The following TRIM50 variants were observed in gnomAD, a reference collection of about 807,000 sequenced individuals.
TRIM50 encodes the protein tripartite motif containing 50, also known as E3 ubiquitin-protein ligase TRIM50.
TRIM50 carries 34 observed loss-of-function variants against 44.9 expected under a neutral mutation model. The observed-to-expected ratio is 0.76, with a 90% CI of 0.58 to 1.01. TRIM50 has a LOEUF of 1.01. Ranked by LOEUF, TRIM50 falls within the 50% of genes least tolerant of loss-of-function variation. TRIM50 has a pLI of 0.00. For missense variants in TRIM50, 633 were observed against 663.7 expected (o/e 0.95, Z 0.51); for synonymous variants, 307 against 291.1 (o/e 1.05, Z -0.56).
chr7:73,318,364 T>C (rs1487533546), intron 5 of TRIM50, among the ~76,000 whole-genome samples: 1 of 152,216 alleles, frequency 6.6e-6, no homozygotes, highest in Admixed American at 6.5e-5. Flanking sequence ...CTCGAACTCC[T>C]GGCCTCAAGC....
Position 73,313,220 on chromosome 7 carries a change from G to A in TRIM50, c.1165C>T (p.Leu389=). Residue 389 remains leucine (L), a synonymous_variant, in exon 7 of 7, where the codon CTG becomes TTG. Coordinates refer to ENST00000333149, the MANE Select transcript of TRIM50 (RefSeq NM_178125.3). This position sits in a 1 kb window ranked among gnomAD's most constrained non-coding sequence, Gnocchi z 4.9. ...GCTTCGTACACCCGGCCCTCCTTCA[G>A]GCCGATCAGCCACACGCCGTGCTCG... ...SPEHGVWLIG[L]KEGRVYEAFA... The A allele has an allele frequency of 6.3e-7, 1 of 1,593,104 alleles. No individual in the cohort carries two copies. The highest frequency in any genetic ancestry group is 8.5e-7 in the Non-Finnish European group (1 of 1,170,244).
chr7:73,315,494 G>C (rs1554543920), intron 6 of TRIM50, among the ~76,000 whole-genome samples: 1 of 151,788 alleles, frequency 6.6e-6, no homozygotes, highest in African/African-American at 2.4e-5. Context: ...TCAGTAGCTG[G>C]GCCCACAGGC....
At chr7:73,314,332 G>T in intron 6 of TRIM50, 1 of 367,304 alleles carries the variant, frequency 2.7e-6, no homozygotes, top group Non-Finnish European at 5.3e-6. Flanking sequence ...AGCAGAAACT[G>T]TCTCCTGCTA....
chr7:73,316,571 A>G lies in TRIM50; in HGVS notation c.868T>C (p.Leu290=), dbSNP rs1369444426. ...TVWKRLFRKV[L]PAPEPLKLDP... is the part of the protein sequence containing the mutation. ...GGACGGGTCAGGGCCTCACCTGGCAAAACTTTCCGGAAGAGCCTTTTCCAC... is the reference window on the plus strand; with the variant it reads ...GGACGGGTCAGGGCCTCACCTGGCAGAACTTTCCGGAAGAGCCTTTTCCAC... Residue 290 remains leucine (L), a synonymous_variant, in exon 6 of 7, where the codon TTG becomes CTG. Transcript: ENST00000333149. 5 of 1,614,042 alleles carry G rather than the reference A, an allele frequency of 3.1e-6. No homozygotes were observed. The highest frequency in any genetic ancestry group is 4.2e-6 in the Non-Finnish European group (5 of 1,180,032).
In TRIM50 at chr7:73,318,973, C is replaced by G; in HGVS notation, c.575G>C (p.Arg192Pro). ...LHHLVDEEKA[R>P]CLEGIGGHTR... Reference sequence around the variant, plus strand: ...GTGACCCCCTATCCCCTCCAGGCAGCGGGCCTTCTCCTCATCCACCAGGTG... The same window carrying G: ...GTGACCCCCTATCCCCTCCAGGCAGGGGGCCTTCTCCTCATCCACCAGGTG... Residue 192 changes from arginine to proline, a missense_variant, in exon 4 of 7, where the codon CGC (arginine) becomes CCC (proline). By Grantham distance (103) the Arg-to-Pro change is moderately radical. Coordinates refer to ENST00000333149, the MANE Select transcript of TRIM50 (RefSeq NM_178125.3). The G allele has an allele frequency of 6.2e-7, 1 of 1,614,024 alleles. No individual in the cohort carries two copies. Among genetic ancestry groups the G allele is most frequent in the Non-Finnish European group, 8.5e-7 (1 of 1,179,868 alleles).
At position 73,324,665 on chromosome 7, in the gene TRIM50, A is replaced by C. The variant is rs782200517; in HGVS notation, c.123T>G (p.Val41=). The change falls in exon 2 of 7, where the codon GTT becomes GTG. Residue 41 remains valine, a synonymous_variant. Coordinates refer to ENST00000333149, the MANE Select transcript of TRIM50 (RefSeq NM_178125.3). ...CGGCATCCAGGTGGCAGGACAGGGA[A>C]ACCAGGCAGCCCTTGCAGTAAGAGT... ...CGHSYCKGCL[V]SLSCHLDAEL... is the part of the protein sequence containing the mutation. 1 of 1,614,192 alleles carries C rather than the reference A, an allele frequency of 6.2e-7. No homozygotes were observed. Among genetic ancestry groups the C allele is most frequent in the Non-Finnish European group, 8.5e-7 (1 of 1,180,024 alleles).
chr7:73,325,014 A>ATGTGTGTGTG (rs3040867), intron 1 of TRIM50, among the ~76,000 whole-genome samples: 1,966 of 142,004 alleles, frequency 0.014, 26 homozygotes, highest in East Asian at 0.059. Flanking sequence ...CCTTGAAGAT[A>ATGTGTGTGTG]TGTGTGTGTG....
At chr7:73,317,517 C>T (rs538070892) in intron 5 of TRIM50, among the ~76,000 whole-genome samples, 235 of 152,030 alleles carry the variant, frequency 1.5e-3, no homozygotes, top group South Asian at 3.3e-3. Context: ...GCCACCACAC[C>T]CAGCTAATTT....
chr7:73,314,396 C>A, intron 6 of TRIM50: 1 of 419,350 alleles, frequency 2.4e-6, no homozygotes, highest in Non-Finnish European at 4.6e-6. Context: ...GCTGCTTAAG[C>A]TGGCCCAGAA....
chr7:73,322,978 C>T (rs1362118009), intron 2 of TRIM50, among the ~76,000 whole-genome samples: 5 of 152,240 alleles, frequency 3.3e-5, no homozygotes, highest in Admixed American at 6.5e-5. Context: ...AAGGGGGAAT[C>T]ACAGAGCTGG....
At chr7:73,320,799 G>A (rs1554544923) in intron 2 of TRIM50, among the ~76,000 whole-genome samples, 1 of 151,800 alleles carries the variant, frequency 6.6e-6, no homozygotes, top group East Asian at 1.9e-4. Flanking sequence ...AGGCCGAGGC[G>A]AGTGGATCAC....
chr7:73,324,953 C>T (rs568337647), intron 1 of TRIM50, 148 bp from the exon 2 acceptor site: 22 of 1,376,628 alleles, frequency 1.6e-5, no homozygotes, highest in Non-Finnish European at 2.0e-5. Flanking sequence ...TGACCTTGGG[C>T]CCCAGTTTCC....
At chr7:73,325,916 G>GTC (rs1804614223) in intron 1 of TRIM50, among the ~76,000 whole-genome samples, 1 of 152,148 alleles carries the variant, frequency 6.6e-6, no homozygotes, top group Non-Finnish European at 1.5e-5. Context: ...AAGACAGCTT[G>GTC]TTGCTCTGTT....
Position 73,324,685 on chromosome 7 carries a change from A to T in TRIM50, c.103T>A (p.Tyr35Asn). ...EPLMLQCGHS[Y>N]CKGCLVSLSC... is the part of the protein sequence containing the mutation. ...AGGGAAACCAGGCAGCCCTTGCAGTAAGAGTGGCCACACTGCAGCATCAGG... is the reference window on the plus strand; with the variant it reads ...AGGGAAACCAGGCAGCCCTTGCAGTTAGAGTGGCCACACTGCAGCATCAGG... The change falls in exon 2 of 7, where the codon TAC becomes AAC. Residue 35 changes from tyrosine (Y) to asparagine (N), a missense_variant. By Grantham distance (143) the Tyr-to-Asn change is moderately radical (BLOSUM62 -2). Coordinates refer to ENST00000333149, the MANE Select transcript of TRIM50 (RefSeq NM_178125.3). The T allele has an allele frequency of 1.2e-6, 2 of 1,614,180 alleles. No homozygotes were observed. The highest frequency in any genetic ancestry group is 1.7e-6 in the Non-Finnish European group (2 of 1,179,996).
intron 6 of TRIM50, 119 bp downstream of exon 6, chr7:73,316,446 G>C (rs1321894531): frequency 3.7e-5 from 51 of 1,378,532 alleles, no homozygotes; most frequent in Non-Finnish European, 4.4e-5. Context: ...CTCTCACTAG[G>C]ACCCTCCACA....
At chr7:73,315,029 C>A in intron 6 of TRIM50, 1 of 357,928 alleles carries the variant, frequency 2.8e-6, no homozygotes, top group Non-Finnish European at 5.3e-6. Context: ...GTCGCCTTCA[C>A]ACAGGTTAAC....
Position 73,313,120 on chromosome 7 carries a change from T to G in TRIM50, c.1265A>C (p.Gln422Pro). Residue 422 changes from glutamine to proline, a missense_variant, in exon 7 of 7, where the codon CAG becomes CCG. Physicochemically the swap from Gln to Pro is moderately conservative, Grantham distance 76. Coordinates refer to ENST00000333149, the MANE Select transcript of TRIM50 (RefSeq NM_178125.3). The surrounding 1 kb of genome is among the most constrained non-coding windows in gnomAD (Gnocchi z 4.9). ...HRIGLYLHYEQGELTFFDADR... is the reference protein window; with the variant it reads ...HRIGLYLHYEPGELTFFDADR... ...GGCATCGAAGAAGGTGAGTTCGCCC[T>G]GCTCATAGTGCAGGTAGAGCCCGAT... 1 of 1,592,788 alleles carries G rather than the reference T, an allele frequency of 6.3e-7. No homozygotes were observed. The highest frequency in any genetic ancestry group is 8.5e-7 in the Non-Finnish European group (1 of 1,170,200).
rs782560480 is a variant in TRIM50, at chr7:73,312,990, C to T, written c.1395G>A (p.Ser465=). ...TGGGCGGGGGCAGCACCATGGGCAG[C>T]GAGTTGCTGCCCCTCTCGTGCCAGC... is the stretch of plus-strand genomic sequence containing the variant. ...DTCWHERGSN[S]LPMVLPPPSG... Residue 465 remains serine (S), a synonymous_variant, in exon 7 of 7, where the codon TCG becomes TCA. Transcript: ENST00000333149. The T allele has an allele frequency of 2.1e-5, 33 of 1,552,264 alleles. No individual in the cohort carries two copies. Among genetic ancestry groups the T allele is most frequent in the Non-Finnish European group, 2.8e-5 (32 of 1,147,432 alleles).
intron 2 of TRIM50, among the ~76,000 whole-genome samples, chr7:73,320,565 G>A (rs1804470879): frequency 6.6e-6 from 1 of 151,980 alleles, no homozygotes; most frequent in Non-Finnish European, 1.5e-5. Flanking sequence ...AGGCGTGGTG[G>A]CATACACCTG....
Sources: gnomAD v4.1 joint callset for allele counts (sites outside exome capture counted in the v4.1 genomes callset) on GRCh38, gnomAD v4.1.1 for gene constraint, Gnocchi (gnomAD v3.1) non-coding constraint, MANE v1.5 for transcripts, NCBI Gene and HGNC (gene_info 2026-07-23, HGNC 2026-07-21) for gene names.